Variants in BRF1 observed in about 807,000 individuals in gnomAD.
BRF1 encodes transcription factor IIIB 90 kDa subunit.
Under a neutral mutation model 81.7 loss-of-function variants are expected in BRF1, and 59 were observed. The ratio of observed to expected loss-of-function variants is 0.72; its 90% CI spans 0.59 to 0.90. BRF1 has a LOEUF of 0.90. Ranked by LOEUF, BRF1 falls within the 40% of genes least tolerant of loss-of-function variation. The pLI is 0.00. For synonymous variants in BRF1, 491 were observed against 395.6 expected (o/e 1.24, Z -2.86); for missense variants, 1,050 against 936.3 (o/e 1.12, Z -1.58).
chr14:105,280,169 A>G (rs1401374266), intron 2 of BRF1, among the ~76,000 whole-genome samples: 1 of 152,244 alleles, frequency 6.6e-6, no homozygotes, highest in Non-Finnish European at 1.5e-5. Context: ...AGGATAAATC[A>G]ACTGTGGCGC....
intron 1 of BRF1, among the ~76,000 whole-genome samples, chr14:105,292,089 C>G (rs1361881945): frequency 2.0e-5 from 3 of 152,222 alleles, no homozygotes; most frequent in Non-Finnish European, 4.4e-5. Context: ...CTCTCGGACT[C>G]AAGGAATCCT....
At position 105,300,837 on chromosome 14, in the gene BRF1, G is replaced by T. The variant is rs185057150; in HGVS notation, c.-208C>A. 5.3e-6 allele frequency: 1 copy of T among 187,146 alleles called. No homozygotes were observed. The highest frequency in any genetic ancestry group is 1.1e-5 in the Non-Finnish European group (1 of 94,384). 11.6% of individuals were successfully genotyped at this position (187,146 alleles called of 1,614,324 possible). A position where few individuals can be genotyped will look rare whatever the true frequency, so the allele number is the denominator to read the frequency against. On this transcript the variant is annotated 5_prime_UTR_variant, in exon 1 of 18. In the 5' UTR this introduces an upstream ATG that the reference lacks. Transcript: ENST00000547530. ...ACGGCCGCGCCCGCGGGATGGGACA[G>T]GCACCGGGACCACGGCGGGGACGCG...
At chr14:105,312,715 AG>A (rs1199939309) in intron 1 of BRF1, among the ~76,000 whole-genome samples, 2 of 152,354 alleles carry the variant, frequency 1.3e-5, no homozygotes, top group East Asian at 3.9e-4. Context: ...CTGGCTAAAA[AG>A]TTACTCTGAT....
Position 105,256,111 on chromosome 14 carries a change from C to T in BRF1, c.471+407G>A, listed in dbSNP as rs148092676. 217 of 1,235,482 alleles carry T rather than the reference C, an allele frequency of 1.8e-4. No homozygotes were observed. In the East Asian group the frequency reaches 4.3e-3, roughly 25 times the overall value. The allele number at this position is 1,235,482 out of a possible 1,614,324, so 76.5% of individuals were successfully genotyped here. On this transcript the variant is annotated intron_variant, in intron 4 of 17. Coordinates refer to ENST00000547530, the MANE Select transcript of BRF1 (RefSeq NM_001519.4). ...CTGCACTCCAGCCTGGGTGACAGAG[C>T]GAGACTCCATCTCATAAATAAATAA...
rs1241610823 is a variant in BRF1, at chr14:105,210,121, G to A, written c.*430C>T. On this transcript the variant is annotated 3_prime_UTR_variant, in exon 18 of 18. Coordinates refer to ENST00000547530, the MANE Select transcript of BRF1 (RefSeq NM_001519.4). This position sits in a 1 kb window ranked among gnomAD's most constrained non-coding sequence, Gnocchi z 4.7. ...TGGCGCCGAGTGCTGCTCAGGAGGG[G>A]ACGGTGCGGAGGGTGGGCTGGAGAC... The A allele has an allele frequency of 1.3e-5, 3 of 234,476 alleles. No homozygotes were observed. In the South Asian group the frequency reaches 2.2e-4, roughly 17 times the overall value. 14.5% of individuals were successfully genotyped at this position (234,476 alleles called of 1,614,324 possible).
At chr14:105,229,726 G>A (rs1446884715) in intron 6 of BRF1, among the ~76,000 whole-genome samples, 23 of 64,454 alleles carry the variant, frequency 3.6e-4, no homozygotes, top group Admixed American at 6.8e-4. Context: ...CACTGTCCGC[G>A]TAGTCGCCCA....
At chr14:105,218,871 G>A (rs1891771330) in intron 14 of BRF1, 127 bp downstream of exon 14, 2 of 1,349,480 alleles carry the variant, frequency 1.5e-6, no homozygotes, top group Admixed American at 3.9e-5. Flanking sequence ...CAGAGCACAT[G>A]GCCTCCGGCT....
chr14:105,256,915 G>A (rs1161795923), intron 3 of BRF1, among the ~76,000 whole-genome samples: 1 of 152,188 alleles, frequency 6.6e-6, no homozygotes, highest in Non-Finnish European at 1.5e-5. Flanking sequence ...ACCATATGGT[G>A]GATCTGCTGC....
At chr14:105,225,610 T>C (rs1892957828) in intron 10 of BRF1, among the ~76,000 whole-genome samples, 1 of 151,982 alleles carries the variant, frequency 6.6e-6, no homozygotes, top group Non-Finnish European at 1.5e-5. Flanking sequence ...TATTTTGAAA[T>C]GGCCCCGCAA....
intron 16 of BRF1, chr14:105,211,882 G>A (rs1890173132): frequency 9.9e-6 from 6 of 606,690 alleles, no homozygotes; most frequent in Non-Finnish European, 1.5e-5. Flanking sequence ...CCCGAGCGCT[G>A]AGCAGCAGGC....
At chr14:105,272,411 C>T (rs2056696359) in intron 3 of BRF1, among the ~76,000 whole-genome samples, 1 of 152,222 alleles carries the variant, frequency 6.6e-6, no homozygotes, top group Admixed American at 6.5e-5. Context: ...GGAGACAGCA[C>T]CCAAGGCGCA....
At chr14:105,273,299 G>A (rs1463001823) in intron 2 of BRF1, among the ~76,000 whole-genome samples, 1 of 152,146 alleles carries the variant, frequency 6.6e-6, no homozygotes, top group African/African-American at 2.4e-5. Context: ...CAGCGCCACC[G>A]CCTTCCCCAA....
In BRF1 at chr14:105,315,058, T is replaced by G; in HGVS notation, c.-162+264A>C. The G allele has an allele frequency of 8.7e-7, 1 of 1,150,546 alleles. No individual in the cohort carries two copies. The highest frequency in any genetic ancestry group is 1.1e-6 in the Non-Finnish European group (1 of 928,302). 71.3% of individuals were successfully genotyped at this position (1,150,546 alleles called of 1,614,324 possible). A position where few individuals can be genotyped will look rare whatever the true frequency, so the allele number is the denominator to read the frequency against. ...CCCAGGTACGCGCCGCCCGCCGCGC[T>G]TTGTTCCCGCCGGGCACCTGCTGGG... On this transcript the variant is annotated intron_variant, in intron 1 of 17. Coordinates refer to the BRF1 transcript ENST00000327359. This position sits in a 1 kb window ranked among gnomAD's most constrained non-coding sequence, Gnocchi z 4.4.
intron 2 of BRF1, among the ~76,000 whole-genome samples, chr14:105,283,501 G>A (rs1196284281): frequency 1.3e-5 from 2 of 152,166 alleles, no homozygotes; most frequent in South Asian, 2.1e-4. Flanking sequence ...TGGGGTCCAC[G>A]GGGCCTCCTG....
chr14:105,243,504 G>A (rs1339219714), intron 5 of BRF1, among the ~76,000 whole-genome samples: 1 of 151,298 alleles, frequency 6.6e-6, no homozygotes, highest in Non-Finnish European at 1.5e-5. Context: ...TCTAGTCCCA[G>A]CTACTGAGGA....
At chr14:105,249,325 A>G in intron 5 of BRF1, 1 of 1,598,786 alleles carries the variant, frequency 6.3e-7, no homozygotes, top group Non-Finnish European at 8.5e-7. Context: ...AGCCTGCGGG[A>G]GAGCCAGGCT....
rs587601376 is a variant in BRF1, at chr14:105,223,011, G to A, written c.1049-1097C>T. On this transcript the variant is annotated intron_variant, in intron 10 of 17. Transcript: ENST00000547530. ...GTTCCAGACCAGCCTGGGCAACACA[G>A]CAAGATCCTGTCTCTATGAAGAAAT... Among the ~76,000 whole-genome samples the A allele has an allele frequency of 4.2e-4, 64 of 152,248 alleles. 1 individual carries two copies. Among genetic ancestry groups the A allele is most frequent in the Admixed American group, 2.2e-3 (34 of 15,288 alleles).
intron 12 of BRF1, chr14:105,219,823 C>T (rs1414324106): frequency 1.7e-5 from 10 of 572,382 alleles, no homozygotes; most frequent in African/African-American, 3.8e-5. Context: ...GGCTATGTGC[C>T]GAGGGCCGCA....
chr14:105,212,108 C>T lies in BRF1; in HGVS notation c.1824+5G>A. 1 of 1,612,504 alleles carries T rather than the reference C, an allele frequency of 6.2e-7. No individual in the cohort carries two copies. Among genetic ancestry groups the T allele is most frequent in the South Asian group, 1.1e-5 (1 of 90,902 alleles). Reference sequence around the variant, plus strand: ...TCCCTGCCCTGGCTGCGTGGGACAACACACCTCTCCCGTGGCCACCTTCTT... The same window carrying T: ...TCCCTGCCCTGGCTGCGTGGGACAATACACCTCTCCCGTGGCCACCTTCTT... On this transcript the variant is annotated splice_donor_5th_base_variant and intron_variant, in intron 16 of 17. Transcript: ENST00000547530.
Sources: allele counts gnomAD v4.1 joint callset (sites outside exome capture counted in the v4.1 genomes callset), GRCh38; gene constraint gnomAD v4.1.1; non-coding constraint Gnocchi (gnomAD v3.1); transcripts MANE v1.5; gene names NCBI Gene and HGNC (gene_info 2026-07-23, HGNC 2026-07-21).